TRAK1: variants seen among roughly 807,000 people sequenced by gnomAD.
TRAK1 encodes trafficking kinesin-binding protein 1.
In TRAK1, 33 loss-of-function variants were observed where a neutral mutation model predicts 92.1. The observed-to-expected ratio is 0.36, with a 90% CI of 0.27 to 0.48. The LOEUF is 0.48. TRAK1 is among the 20% of genes least tolerant of loss of function. The pLI is 0.99. For missense variants in TRAK1, 1,123 were observed against 1,257.9 expected, an observed-to-expected ratio of 0.89 and a Z score of 1.62; for synonymous variants, 521 against 517.3, an observed-to-expected ratio of 1.01 and a Z score of -0.10.
chr3:42,152,061 T>A (rs951626271), intron 2 of TRAK1, among the ~76,000 whole-genome samples: 4 of 152,154 alleles, frequency 2.6e-5, no homozygotes, highest in African/African-American at 9.7e-5. Context: ...TCTTTTGAAG[T>A]TGGAATTAAG....
chr3:42,166,269 C>T (rs965472057), intron 2 of TRAK1, among the ~76,000 whole-genome samples: 1 of 152,130 alleles, frequency 6.6e-6, no homozygotes, highest in Non-Finnish European at 1.5e-5. Flanking sequence ...GTAATACTTT[C>T]CTCATAGGAT....
intron 2 of TRAK1, among the ~76,000 whole-genome samples, chr3:42,152,618 G>A (rs925066655): frequency 1.4e-4 from 21 of 152,190 alleles, no homozygotes; most frequent in Non-Finnish European, 2.6e-4. Context: ...GCTGATTGAT[G>A]TCCATGGAAA....
intron 2 of TRAK1, among the ~76,000 whole-genome samples, chr3:42,159,237 A>G (rs555775432): frequency 6.6e-6 from 1 of 152,184 alleles, no homozygotes; most frequent in Non-Finnish European, 1.5e-5. Flanking sequence ...GCCCCTGCTA[A>G]AATCTCTCTT....
chr3:42,223,159 G>T lies in TRAK1; in HGVS notation c.2284G>T (p.Ala762Ser). ...AVYDPQSWDR[A>S]GRGSLLHSYT... ...GTACGACCCCCAGAGCTGGGACAGG[G>T]CCGGCCGGGGCTCCCTCCTGCACTC... Residue 762 changes from alanine to serine, a missense_variant, in exon 16 of 16, where the codon GCC becomes TCC. Ala to Ser is a moderately conservative substitution (Grantham distance 99, BLOSUM62 1). This residue lies in a region of TRAK1 where 401 missense variants were observed against 438.9 expected (regional missense o/e 0.91). Coordinates refer to ENST00000327628, the MANE Select transcript of TRAK1 (RefSeq NM_001042646.3). This position sits in a 1 kb window ranked among gnomAD's most constrained non-coding sequence, Gnocchi z 6.1. The T allele has an allele frequency of 1.2e-6, 2 of 1,613,960 alleles. No individual in the cohort carries two copies. The highest frequency in any genetic ancestry group is 1.7e-6 in the Non-Finnish European group (2 of 1,180,008).
In TRAK1 at chr3:42,038,814, T is replaced by G. The variant is rs540080272; in HGVS notation, c.-519+24697T>G. Among the ~76,000 whole-genome samples, 51 of 147,444 alleles carry G rather than the reference T, an allele frequency of 3.5e-4. 1 individual carries two copies. The highest frequency in any genetic ancestry group is 2.3e-3 in the Admixed American group (34 of 14,914). On this transcript the variant is annotated intron_variant, in intron 1 of 16. Coordinates refer to the TRAK1 transcript ENST00000487159. Reference sequence around the variant, plus strand: ...AAAAAAAAAAAAAAGTTTTTTTTTTTTTTTTTTTTGGTAGAGACAGTCTCC... The same window carrying G: ...AAAAAAAAAAAAAAGTTTTTTTTTTGTTTTTTTTTGGTAGAGACAGTCTCC...
At chr3:42,204,192 TTC>T (rs1559383458) in intron 13 of TRAK1, 3 of 985,754 alleles carry the variant, frequency 3.0e-6, no homozygotes, top group Non-Finnish European at 3.6e-6. Flanking sequence ...CAATTTTACT[TTC>T]TGCCTTACTT....
chr3:42,180,961 G>A lies in TRAK1; in HGVS notation c.364-3724G>A, dbSNP rs182385996. The stretch of plus-strand genomic sequence containing the variant: ...AAATTACTCTAAAGATTACATTTCT[G>A]GTATAGACCAGGGAAGTGTTTGTCC... On this transcript the variant is annotated intron_variant, in intron 3 of 15. Transcript: ENST00000327628. Among the ~76,000 whole-genome samples, 848 of 152,266 alleles carry A rather than the reference G, an allele frequency of 5.6e-3. 3 individuals carry two copies. Among genetic ancestry groups the A allele is most frequent in the South Asian group, 0.019 (91 of 4,812 alleles).
At chr3:42,133,199 G>A (rs1361169509) in intron 2 of TRAK1, among the ~76,000 whole-genome samples, 11 of 152,102 alleles carry the variant, frequency 7.2e-5, no homozygotes, top group Admixed American at 4.6e-4. Flanking sequence ...TGGATAAAAT[G>A]CGGGGTCTTC....
At chr3:42,110,145 G>A (rs1226136766) in intron 1 of TRAK1, among the ~76,000 whole-genome samples, 2 of 116,326 alleles carry the variant, frequency 1.7e-5, no homozygotes, top group East Asian at 2.3e-4. Flanking sequence ...CTTTGTGTGT[G>A]TTGCAAAATT....
chr3:42,123,246 C>A (rs1160411834), intron 1 of TRAK1, among the ~76,000 whole-genome samples: 1 of 152,162 alleles, frequency 6.6e-6, no homozygotes, highest in Non-Finnish European at 1.5e-5. Flanking sequence ...GACACAAAGT[C>A]TCTGGCATTG....
intron 2 of TRAK1, among the ~76,000 whole-genome samples, chr3:42,136,287 G>A (rs1697944955): frequency 6.6e-6 from 1 of 152,072 alleles, no homozygotes. Flanking sequence ...TTCAGCTCTT[G>A]GTACCTGGCC....
intron 2 of TRAK1, among the ~76,000 whole-genome samples, chr3:42,135,995 T>TG (rs1697908136): frequency 6.6e-6 from 1 of 152,238 alleles, no homozygotes; most frequent in Non-Finnish European, 1.5e-5. Context: ...CCCTCACCAA[T>TG]GACCCTGTCC....
At chr3:42,089,822 A>G (rs565323057), upstream of TRAK1, among the ~76,000 whole-genome samples, 138 of 152,282 alleles carry the variant, frequency 9.1e-4, no homozygotes, top group African/African-American at 3.1e-3. Context: ...GCGGAGGGCA[A>G]ACTCTGTGTC....
intron 2 of TRAK1, chr3:42,160,077 G>A (rs759598405): frequency 1.1e-5 from 10 of 895,604 alleles, no homozygotes; most frequent in Admixed American, 4.3e-5. Flanking sequence ...AATCTCCTGC[G>A]CCTAGCAGGG....
At chr3:42,213,433 A>G (rs563785738) in intron 14 of TRAK1, among the ~76,000 whole-genome samples, 5 of 152,186 alleles carry the variant, frequency 3.3e-5, no homozygotes, top group Non-Finnish European at 5.9e-5. Flanking sequence ...AATTCCCTAA[A>G]TCTCCAGCAA....
At chr3:42,039,800 C>A (rs1461334226) in intron 1 of TRAK1, among the ~76,000 whole-genome samples, 2 of 152,204 alleles carry the variant, frequency 1.3e-5, no homozygotes, top group African/African-American at 2.4e-5. Context: ...GACTGCCAGA[C>A]TGTTTTCCTA....
intron 1 of TRAK1, among the ~76,000 whole-genome samples, chr3:42,045,181 C>T (rs1471702865): frequency 1.3e-5 from 2 of 152,092 alleles, no homozygotes; most frequent in African/African-American, 2.4e-5. Flanking sequence ...AGGAAACCTA[C>T]TGTGGGAACT....
At chr3:42,190,430 C>G (rs1705541449) in intron 6 of TRAK1, among the ~76,000 whole-genome samples, 1 of 152,194 alleles carries the variant, frequency 6.6e-6, no homozygotes, top group African/African-American at 2.4e-5. Context: ...GCACCTTGTT[C>G]ACTGATGGGT....
intron 1 of TRAK1, among the ~76,000 whole-genome samples, chr3:42,040,470 G>C (rs1702489084): frequency 6.6e-6 from 1 of 152,258 alleles, no homozygotes; most frequent in South Asian, 2.1e-4. Context: ...GTCCAACTTT[G>C]TTCTGTGAGG....
Sources: gnomAD v4.1 joint callset for allele counts (sites outside exome capture counted in the v4.1 genomes callset) on GRCh38, gnomAD v4.1.1 for gene constraint, gnomAD v4.1.1 regional missense constraint, Gnocchi (gnomAD v3.1) non-coding constraint, MANE v1.5 for transcripts, NCBI Gene and HGNC (gene_info 2026-07-23, HGNC 2026-07-21) for gene names.